SV2C: variants seen among roughly 807,000 people sequenced by gnomAD.
The protein encoded by SV2C is synaptic vesicle glycoprotein 2C, also known as solute carrier family 22 member B3.
A neutral mutation model predicts 79.7 loss-of-function variants in SV2C; 49 were observed. The ratio of observed to expected loss-of-function variants is 0.61; its 90% CI spans 0.49 to 0.78. The LOEUF is 0.78. Among genes scored for constraint, SV2C ranks in the 30% least tolerant of loss-of-function variants. The pLI, the probability that SV2C is intolerant of heterozygous loss-of-function variation, is 0.00. For synonymous variants in SV2C, 334 were observed against 333.2 expected, an observed-to-expected ratio of 1.00 and a Z score of -0.03; for missense variants, 833 against 912.9, an observed-to-expected ratio of 0.91 and a Z score of 1.13.
At chr5:76,151,233 A>G (rs1749593698) in intron 2 of SV2C, among the ~76,000 whole-genome samples, 1 of 152,242 alleles carries the variant, frequency 6.6e-6, no homozygotes, top group Non-Finnish European at 1.5e-5. Flanking sequence ...GCAAAGGCAC[A>G]AAGGCATGGA....
the SV2C span, among the ~76,000 whole-genome samples, chr5:75,947,871 A>G: frequency 6.6e-6 from 1 of 151,772 alleles, no homozygotes; most frequent in African/African-American, 2.4e-5. Context: ...GGGCTCCTAA[A>G]TTATGATTTT....
intron 1 of SV2C, among the ~76,000 whole-genome samples, chr5:76,102,069 C>T (rs1015259464): frequency 6.6e-6 from 1 of 152,152 alleles, no homozygotes; most frequent in African/African-American, 2.4e-5. Flanking sequence ...ATCTTCATAC[C>T]ATTATCCTAC....
the SV2C span, among the ~76,000 whole-genome samples, chr5:75,870,165 G>T: frequency 1.3e-5 from 2 of 151,924 alleles, no homozygotes; most frequent in Admixed American, 6.6e-5. Flanking sequence ...ACTAAATAAG[G>T]CACAAGGGAC....
At chr5:76,021,372 T>A in the SV2C span, among the ~76,000 whole-genome samples, 1 of 152,340 alleles carries the variant, frequency 6.6e-6, no homozygotes, top group South Asian at 2.1e-4. Flanking sequence ...AAAGAAAAAC[T>A]ATTTGGACAA....
At chr5:76,274,833 A>T (rs1995381) in intron 4 of SV2C, among the ~76,000 whole-genome samples, 1 of 152,026 alleles carries the variant, frequency 6.6e-6, no homozygotes, top group African/African-American at 2.4e-5. Context: ...TTAATGTTTC[A>T]TGCAGATTAC....
the SV2C span, among the ~76,000 whole-genome samples, chr5:75,993,585 G>C: frequency 1.3e-5 from 2 of 151,984 alleles, no homozygotes; most frequent in East Asian, 3.9e-4. Context: ...ACTTAAGAAG[G>C]CACGTCCCCA....
chr5:75,950,467 CAT>C, the SV2C span, among the ~76,000 whole-genome samples: 5 of 152,058 alleles, frequency 3.3e-5, no homozygotes, highest in East Asian at 9.7e-4. Flanking sequence ...TTTTAACAAA[CAT>C]ATGAAAACTT....
intron 2 of SV2C, among the ~76,000 whole-genome samples, chr5:76,191,855 T>G (rs570498457): frequency 6.6e-6 from 1 of 152,320 alleles, no homozygotes; most frequent in African/African-American, 2.4e-5. Context: ...CCAGCTGAAT[T>G]AAAGTCTTCA....
intron 1 of SV2C, among the ~76,000 whole-genome samples, chr5:76,109,003 T>A (rs1425815022): frequency 1.3e-5 from 2 of 152,204 alleles, no homozygotes; most frequent in Non-Finnish European, 2.9e-5. Context: ...CTTTTTCTTT[T>A]GATGATCTTT....
the SV2C span, among the ~76,000 whole-genome samples, chr5:75,907,967 G>C: frequency 6.6e-6 from 1 of 152,208 alleles, no homozygotes; most frequent in African/African-American, 2.4e-5. Context: ...TAATGGGAGA[G>C]AGTGGATTTA....
At chr5:76,024,481 T>C in the SV2C span, among the ~76,000 whole-genome samples, 6 of 152,216 alleles carry the variant, frequency 3.9e-5, no homozygotes, top group Admixed American at 2.0e-4. Context: ...TGCCTCTTTT[T>C]ATGGGTTATT....
At chr5:75,991,002 A>G in the SV2C span, among the ~76,000 whole-genome samples, 3 of 151,956 alleles carry the variant, frequency 2.0e-5, no homozygotes, top group Admixed American at 2.0e-4. Flanking sequence ...AGTTGTAACC[A>G]GGAGCCAGCC....
intron 3 of SV2C, among the ~76,000 whole-genome samples, 194 bp downstream of exon 3, chr5:76,195,293 C>A (rs1263204440): frequency 6.6e-6 from 1 of 152,138 alleles, no homozygotes; most frequent in East Asian, 1.9e-4. Flanking sequence ...AGGGAACACA[C>A]ACCTATGTTT....
At chr5:76,136,250 C>T (rs536502665) in intron 2 of SV2C, among the ~76,000 whole-genome samples, 64 of 152,290 alleles carry the variant, frequency 4.2e-4, no homozygotes, top group Admixed American at 9.2e-4. Flanking sequence ...CCCTAATTCC[C>T]GTATGCATTG....
intron 1 of SV2C, among the ~76,000 whole-genome samples, chr5:76,093,702 A>T (rs1468968113): frequency 6.6e-6 from 1 of 152,162 alleles, no homozygotes; most frequent in African/African-American, 2.4e-5. Flanking sequence ...AGCCGCAGTG[A>T]TCTGGATAAA....
chr5:75,989,549 T>C, the SV2C span, among the ~76,000 whole-genome samples: 1 of 152,142 alleles, frequency 6.6e-6, no homozygotes, highest in Non-Finnish European at 1.5e-5. Context: ...GGCATTCAGG[T>C]TGATTCTATG....
chr5:76,039,477 C>T, the SV2C span, among the ~76,000 whole-genome samples: 1 of 152,050 alleles, frequency 6.6e-6, no homozygotes, highest in African/African-American at 2.4e-5. Flanking sequence ...AAATTGAGGC[C>T]AGGTGTGGTG....
chr5:76,045,958 G>A, the SV2C span, among the ~76,000 whole-genome samples: 2 of 152,184 alleles, frequency 1.3e-5, no homozygotes, highest in Non-Finnish European at 2.9e-5. Context: ...TACTTTTAGA[G>A]CATCTATAAT....
At chr5:75,991,582 TATAC>T in the SV2C span, among the ~76,000 whole-genome samples, 146 of 117,636 alleles carry the variant, frequency 1.2e-3, 1 homozygote, top group East Asian at 2.7e-3. Flanking sequence ...TATATATATA[TATAC>T]ACACATATAT....
Sources: allele counts gnomAD v4.1 joint callset (sites outside exome capture counted in the v4.1 genomes callset), GRCh38; gene constraint gnomAD v4.1.1; transcripts MANE v1.5; gene names NCBI Gene and HGNC (gene_info 2026-07-23, HGNC 2026-07-21).